The following EPHA4 variants were observed in gnomAD, a reference collection of about 807,000 sequenced individuals.
The protein encoded by EPHA4 is ephrin type-A receptor 4.
EPHA4 carries 19 observed loss-of-function variants against 108.3 expected under a neutral mutation model. That is an observed-to-expected ratio of 0.18 (90% confidence interval 0.12 to 0.26). EPHA4 has a LOEUF of 0.26. Ranked by LOEUF, EPHA4 falls within the 10% of genes least tolerant of loss-of-function variation. The pLI, the probability that EPHA4 is intolerant of heterozygous loss-of-function variation, is 1.00. For missense variants in EPHA4, 917 were observed against 1,254.0 expected (o/e 0.73, Z 4.06); for synonymous variants, 449 against 455.5 (o/e 0.99, Z 0.18).
intron 4 of EPHA4, 66 bp downstream of exon 4, chr2:221,500,951 G>A (rs914337299): frequency 3.9e-5 from 56 of 1,447,878 alleles, no homozygotes; most frequent in Non-Finnish European, 4.9e-5. Flanking sequence ...AGACCTGGCA[G>A]TGCCTTGCTA....
intron 3 of EPHA4, among the ~76,000 whole-genome samples, chr2:221,522,769 TA>T (rs1574632282): frequency 8.0e-5 from 9 of 112,446 alleles, no homozygotes; most frequent in Admixed American, 3.5e-4. Flanking sequence ...TTATTATTAT[TA>T]TTATTTTTTT....
intron 5 of EPHA4, among the ~76,000 whole-genome samples, chr2:221,466,387 G>A (rs890718692): frequency 4.6e-5 from 7 of 152,210 alleles, no homozygotes; most frequent in African/African-American, 1.7e-4. Flanking sequence ...TCAGATGCCA[G>A]TAAACTCCTG....
At chr2:221,434,010 C>T in intron 14 of EPHA4, 132 bp downstream of exon 14, 1 of 822,596 alleles carries the variant, frequency 1.2e-6, no homozygotes, top group South Asian at 1.9e-5. Context: ...AACTAGCTTG[C>T]TAGATATATC....
rs1235497092 is a variant in EPHA4, at chr2:221,418,183, C to T, written c.*3189G>A. 4.6e-5 allele frequency: 7 copies of T among 152,546 alleles called. No homozygotes were observed. Among genetic ancestry groups the T allele is most frequent in the Non-Finnish European group, 8.8e-5 (6 of 68,004 alleles). 9.4% of individuals were successfully genotyped at this position (152,546 alleles called of 1,614,324 possible). ...AAGTTCATGAAGGGAAGAAAAATAC[C>T]TTGACAAATTAAAACAAAATAGAAA... On this transcript the variant is annotated 3_prime_UTR_variant, in exon 18 of 18. Transcript: ENST00000281821.
chr2:221,570,865 G>A (rs1046050453), intron 1 of EPHA4, among the ~76,000 whole-genome samples: 4 of 151,624 alleles, frequency 2.6e-5, no homozygotes, highest in South Asian at 2.1e-4. Flanking sequence ...ATGCATGGAC[G>A]GACGGACGGA....
intron 4 of EPHA4, among the ~76,000 whole-genome samples, chr2:221,484,297 G>A (rs1417207793): frequency 6.6e-6 from 1 of 152,084 alleles, no homozygotes; most frequent in African/African-American, 2.4e-5. Flanking sequence ...ATTTTTTAGT[G>A]GTAACATTTA....
intron 3 of EPHA4, among the ~76,000 whole-genome samples, chr2:221,552,935 T>C (rs1457073822): frequency 6.6e-6 from 1 of 152,152 alleles, no homozygotes; most frequent in Non-Finnish European, 1.5e-5. Context: ...ATTAATAACA[T>C]TGATATTGAT....
intron 5 of EPHA4, among the ~76,000 whole-genome samples, chr2:221,481,132 A>G (rs1390787690): frequency 1.3e-5 from 2 of 152,208 alleles, no homozygotes; most frequent in Non-Finnish European, 2.9e-5. Flanking sequence ...TAACTTTTTC[A>G]GGGAAGGAGT....
At chr2:221,425,149 G>A (rs770412344) in intron 17 of EPHA4, 60 bp downstream of exon 17, 1 of 150,144 alleles carries the variant, frequency 6.7e-6, no homozygotes, top group African/African-American at 2.5e-5. Context: ...ATGAGATCAA[G>A]TTTAAAGCAC....
intron 8 of EPHA4, among the ~76,000 whole-genome samples, chr2:221,450,488 T>C (rs927451860): frequency 1.3e-5 from 2 of 152,326 alleles, no homozygotes; most frequent in East Asian, 3.9e-4. Context: ...AATGTCAGCT[T>C]TTTTATGTAG....
chr2:221,446,094 A>C, intron 9 of EPHA4, 29 bp downstream of exon 9: 1 of 1,489,946 alleles, frequency 6.7e-7, no homozygotes, highest in Non-Finnish European at 9.0e-7. Flanking sequence ...TGCTCTAAAA[A>C]TAGAATTTTT....
intron 13 of EPHA4, among the ~76,000 whole-genome samples, chr2:221,434,664 A>G (rs1690177742): frequency 6.6e-6 from 1 of 152,184 alleles, no homozygotes; most frequent in Admixed American, 6.5e-5. Flanking sequence ...CTCACCCAGG[A>G]GCACAAAGGA....
intron 4 of EPHA4, among the ~76,000 whole-genome samples, chr2:221,483,278 G>A (rs1229358352): frequency 6.6e-6 from 1 of 152,108 alleles, no homozygotes; most frequent in African/African-American, 2.4e-5. Flanking sequence ...GCTGTGGCGA[G>A]ATGGCAGGGG....
chr2:221,419,143 C>T lies in EPHA4; in HGVS notation c.*2229G>A, dbSNP rs1378416214. 6.6e-6 allele frequency: 1 copy of T among 152,586 alleles called. No homozygotes were observed. Among genetic ancestry groups the T allele is most frequent in the Non-Finnish European group, 1.5e-5 (1 of 68,042 alleles). The allele number at this position is 152,586 out of a possible 1,614,324, so 9.5% of individuals were successfully genotyped here. ...CAGCTTAGGATAAGCAAGGCAGCCA[C>T]TCAGATTATGAAAAATGGCAGTAAG... On this transcript the variant is annotated 3_prime_UTR_variant, in exon 18 of 18. Coordinates refer to ENST00000281821, the MANE Select transcript of EPHA4 (RefSeq NM_004438.5).
chr2:221,499,387 TAACA>T (rs1320069345), intron 4 of EPHA4, among the ~76,000 whole-genome samples: 1 of 150,938 alleles, frequency 6.6e-6, no homozygotes, highest in Non-Finnish European at 1.5e-5. Context: ...TATACCTACC[TAACA>T]GATTTCTTAT....
At chr2:221,424,099 G>A (rs1366058322) in intron 17 of EPHA4, among the ~76,000 whole-genome samples, 2 of 151,376 alleles carry the variant, frequency 1.3e-5, no homozygotes, top group Non-Finnish European at 2.9e-5. Context: ...GGGCAACAGA[G>A]TGAGACTTTG....
chr2:221,533,724 T>TC (rs1693586335), intron 3 of EPHA4, among the ~76,000 whole-genome samples: 1 of 46,932 alleles, frequency 2.1e-5, no homozygotes, highest in Admixed American at 3.4e-4. Flanking sequence ...GTGACTAGTG[T>TC]CAAAAAAAAA....
chr2:221,520,063 A>G (rs991741463), intron 3 of EPHA4, among the ~76,000 whole-genome samples: 6 of 152,042 alleles, frequency 3.9e-5, no homozygotes, highest in African/African-American at 1.5e-4. Context: ...ATTTTGTGTA[A>G]TTTTTAAAAA....
chr2:221,424,158 G>C (rs763325821), intron 17 of EPHA4, among the ~76,000 whole-genome samples: 29 of 150,488 alleles, frequency 1.9e-4, no homozygotes, highest in Non-Finnish European at 4.0e-4. Context: ...TTTTTACCAA[G>C]CAAGCAAAAG....
Sources: gnomAD v4.1 joint callset for allele counts (sites outside exome capture counted in the v4.1 genomes callset) on GRCh38, gnomAD v4.1.1 for gene constraint, MANE v1.5 for transcripts, NCBI Gene and HGNC (gene_info 2026-07-23, HGNC 2026-07-21) for gene names.